Variants in PPP1R16B observed in about 807,000 individuals in gnomAD.
The protein encoded by PPP1R16B is protein phosphatase 1 regulatory inhibitor subunit 16B.
A neutral mutation model predicts 61.7 loss-of-function variants in PPP1R16B; 14 were observed. That is an observed-to-expected ratio of 0.23 (90% confidence interval 0.15 to 0.35). The LOEUF is 0.35. PPP1R16B is among the 10% of genes least tolerant of loss of function. PPP1R16B has a pLI of 1.00. For missense variants in PPP1R16B, 547 were observed against 752.5 expected (o/e 0.73, Z 3.19); for synonymous variants, 266 against 305.3 (o/e 0.87, Z 1.34).
chr20:38,909,694 G>T (rs1161788826), intron 10 of PPP1R16B, among the ~76,000 whole-genome samples: 1 of 152,214 alleles, frequency 6.6e-6, no homozygotes. Flanking sequence ...GTCTCAGAGG[G>T]ACCCTGCTTC....
At chr20:38,899,107 C>T (rs1443491709) in intron 4 of PPP1R16B, among the ~76,000 whole-genome samples, 1 of 152,142 alleles carries the variant, frequency 6.6e-6, no homozygotes, top group Non-Finnish European at 1.5e-5. Flanking sequence ...GCGGCAGGAG[C>T]CCATCGTTGG....
At chr20:38,861,819 G>A (rs2085053687) in intron 2 of PPP1R16B, among the ~76,000 whole-genome samples, 2 of 152,124 alleles carry the variant, frequency 1.3e-5, no homozygotes, top group South Asian at 4.2e-4. Flanking sequence ...TGGGATTACA[G>A]GAGCCTGCCA....
intron 2 of PPP1R16B, among the ~76,000 whole-genome samples, chr20:38,861,673 CTTTTTTTTTTTT>C (rs869187206): frequency 8.0e-6 from 1 of 125,624 alleles, no homozygotes; most frequent in African/African-American, 3.2e-5. Context: ...TGCAGTTCTT[CTTTTTTTTTTTT>C]TTTTTTTTTG....
intron 1 of PPP1R16B, among the ~76,000 whole-genome samples, chr20:38,826,352 T>C (rs1436450241): frequency 6.6e-6 from 1 of 152,238 alleles, no homozygotes; most frequent in Non-Finnish European, 1.5e-5. Context: ...ACTAATGCGT[T>C]TGTAGACATC....
chr20:38,855,935 T>TAGAGAGAG (rs1359114180), intron 2 of PPP1R16B, among the ~76,000 whole-genome samples: 3 of 43,942 alleles, frequency 6.8e-5, no homozygotes, highest in African/African-American at 2.6e-4. Flanking sequence ...TATATATATA[T>TAGAGAGAG]ATATATATAG....
chr20:38,865,259 C>T (rs994430272), intron 2 of PPP1R16B, among the ~76,000 whole-genome samples: 1 of 149,924 alleles, frequency 6.7e-6, no homozygotes, highest in African/African-American at 2.5e-5. Flanking sequence ...AGGGCACCTA[C>T]CCTGTGCCAT....
intron 2 of PPP1R16B, among the ~76,000 whole-genome samples, chr20:38,874,576 A>T (rs2085152496): frequency 6.6e-6 from 1 of 152,172 alleles, no homozygotes; most frequent in Non-Finnish European, 1.5e-5. Context: ...CATATTCCCC[A>T]ACAGTGTGCT....
At chr20:38,825,568 G>T (rs557798496) in intron 1 of PPP1R16B, among the ~76,000 whole-genome samples, 2 of 152,240 alleles carry the variant, frequency 1.3e-5, no homozygotes, top group South Asian at 4.1e-4. Flanking sequence ...CACCTTATCA[G>T]GGTGGAGTAC....
intron 1 of PPP1R16B, among the ~76,000 whole-genome samples, chr20:38,807,920 G>T (rs2084672993): frequency 1.3e-5 from 2 of 152,194 alleles, no homozygotes; most frequent in South Asian, 4.2e-4. Flanking sequence ...ATCATCCATG[G>T]CCTAGAAAGA....
intron 4 of PPP1R16B, 69 bp downstream of exon 4, chr20:38,895,779 T>TTCC (rs2085329936): frequency 1.4e-6 from 2 of 1,476,454 alleles, no homozygotes; most frequent in African/African-American, 2.9e-5. Context: ...TCCTTCTTTC[T>TTCC]CTCCTCCCTC....
chr20:38,918,507 A>C lies in PPP1R16B; in HGVS notation c.1545A>C (p.Glu515Asp). 6.2e-7 allele frequency: 1 copy of C among 1,603,812 alleles called. No homozygotes were observed. Among genetic ancestry groups the C allele is most frequent in the Non-Finnish European group, 8.5e-7 (1 of 1,172,992 alleles). The change falls in exon 11 of 11, where the codon GAA (glutamate) becomes GAC (aspartate). Residue 515 changes from glutamate to aspartate, a missense_variant. Transcript: ENST00000299824. This position sits in a 1 kb window ranked among gnomAD's most constrained non-coding sequence, Gnocchi z 5.3. ...SMARTGESSS[E>D]GKAPLIGGRT... ...CCAGGACGGGCGAGAGTAGCAGTGAAGGCAAGGCCCCCTTGATCGGAGGCA... is the reference window on the plus strand; with the variant it reads ...CCAGGACGGGCGAGAGTAGCAGTGACGGCAAGGCCCCCTTGATCGGAGGCA...
At chr20:38,912,635 A>G (rs1178366865) in intron 10 of PPP1R16B, among the ~76,000 whole-genome samples, 1 of 151,844 alleles carries the variant, frequency 6.6e-6, no homozygotes, top group Non-Finnish European at 1.5e-5. Flanking sequence ...TGATAGCACC[A>G]CTGAACTCCA....
In PPP1R16B at chr20:38,918,309, G is replaced by T; in HGVS notation, c.1347G>T (p.Glu449Asp). ...LANGDVWKVHEVPDYSMAYGN... is the reference protein window; with the variant it reads ...LANGDVWKVHDVPDYSMAYGN... ...ACGGGGATGTCTGGAAGGTGCATGAGGTGCCTGACTACAGCATGGCCTATG... is the reference window on the plus strand; with the variant it reads ...ACGGGGATGTCTGGAAGGTGCATGATGTGCCTGACTACAGCATGGCCTATG... The change falls in exon 11 of 11, where the codon GAG (glutamate) becomes GAT (aspartate). Residue 449 changes from glutamate (E) to aspartate (D), a missense_variant. Transcript: ENST00000299824. The surrounding 1 kb of genome is among the most constrained non-coding windows in gnomAD (Gnocchi z 5.3). 6.2e-7 allele frequency: 1 copy of T among 1,614,228 alleles called. No homozygotes were observed. Among genetic ancestry groups the T allele is most frequent in the Non-Finnish European group, 8.5e-7 (1 of 1,180,046 alleles).
At chr20:38,817,763 G>A (rs1053182975) in intron 1 of PPP1R16B, among the ~76,000 whole-genome samples, 2 of 152,178 alleles carry the variant, frequency 1.3e-5, no homozygotes, top group Non-Finnish European at 2.9e-5. Flanking sequence ...AGCATGTGTG[G>A]GTCGGGCGTA....
intron 2 of PPP1R16B, among the ~76,000 whole-genome samples, chr20:38,887,378 T>C (rs1371136264): frequency 1.3e-5 from 2 of 152,116 alleles, no homozygotes; most frequent in Non-Finnish European, 2.9e-5. Context: ...CCACCTAGAA[T>C]TGTGCAAGCT....
chr20:38,822,004 TA>T (rs2084776345), intron 1 of PPP1R16B, among the ~76,000 whole-genome samples: 1 of 147,042 alleles, frequency 6.8e-6, no homozygotes, highest in Admixed American at 6.8e-5. Flanking sequence ...TTAATATATA[TA>T]ATATATATTA....
intron 10 of PPP1R16B, among the ~76,000 whole-genome samples, chr20:38,910,175 C>T (rs958897041): frequency 1.3e-5 from 2 of 152,046 alleles, no homozygotes; most frequent in African/African-American, 2.4e-5. Flanking sequence ...GATGGGGTTT[C>T]ACCATGTTGG....
chr20:38,808,136 G>C (rs2084674231), intron 1 of PPP1R16B, among the ~76,000 whole-genome samples: 1 of 152,172 alleles, frequency 6.6e-6, no homozygotes, highest in Admixed American at 6.5e-5. Context: ...TTGGAAACTA[G>C]GCCTATGTGT....
intron 2 of PPP1R16B, among the ~76,000 whole-genome samples, chr20:38,879,135 C>T (rs916745304): frequency 2.0e-5 from 3 of 152,068 alleles, no homozygotes; most frequent in African/African-American, 7.2e-5. Context: ...AGAACAGGGG[C>T]CTGGTGCAGC....
Sources: allele counts gnomAD v4.1 joint callset (sites outside exome capture counted in the v4.1 genomes callset), GRCh38; gene constraint gnomAD v4.1.1; non-coding constraint Gnocchi (gnomAD v3.1); transcripts MANE v1.5; gene names NCBI Gene and HGNC (gene_info 2026-07-23, HGNC 2026-07-21).